The following NEDD4L variants were observed in gnomAD, a reference collection of about 807,000 sequenced individuals.
NEDD4L encodes E3 ubiquitin-protein ligase NEDD4-like.
A neutral mutation model predicts 148.9 loss-of-function variants in NEDD4L; 54 were observed. The observed-to-expected ratio is 0.36, with a 90% CI of 0.29 to 0.45. The LOEUF (loss-of-function observed/expected upper bound fraction) is 0.45, where lower values mean the gene tolerates loss of function less well. NEDD4L is among the 20% of genes least tolerant of loss of function. The pLI, the probability that NEDD4L is intolerant of heterozygous loss-of-function variation, is 1.00. For missense variants in NEDD4L, 856 were observed against 1,233.8 expected (o/e 0.69, Z 4.59); for synonymous variants, 433 against 440.7 (o/e 0.98, Z 0.22).
At chr18:58,312,623 G>C (rs1387803363) in intron 5 of NEDD4L, among the ~76,000 whole-genome samples, 1 of 152,180 alleles carries the variant, frequency 6.6e-6, no homozygotes, top group Non-Finnish European at 1.5e-5. Context: ...AAGGCACCAG[G>C]AGGTTCTCTG....
intron 1 of NEDD4L, among the ~76,000 whole-genome samples, chr18:58,137,726 C>T (rs1479362054): frequency 6.6e-6 from 1 of 152,026 alleles, no homozygotes; most frequent in Admixed American, 6.5e-5. Flanking sequence ...CAACCACATA[C>T]CCTGTCGCTA....
chr18:58,286,754 A>C (rs1044266715), intron 5 of NEDD4L, among the ~76,000 whole-genome samples: 2 of 152,230 alleles, frequency 1.3e-5, no homozygotes, highest in African/African-American at 2.4e-5. Flanking sequence ...GGATAATTGA[A>C]TTTAATTGAA....
At chr18:58,267,411 C>T (rs767683317) in intron 5 of NEDD4L, among the ~76,000 whole-genome samples, 5 of 152,002 alleles carry the variant, frequency 3.3e-5, no homozygotes, top group Non-Finnish European at 7.4e-5. Flanking sequence ...TCCCAAGGAA[C>T]TTTGTTTCTG....
intron 23 of NEDD4L, 112 bp downstream of exon 23, chr18:58,370,579 T>C (rs2046729146): frequency 2.7e-6 from 2 of 733,806 alleles, no homozygotes; most frequent in East Asian, 2.6e-5. Flanking sequence ...TTGCATTCCA[T>C]GTGAACAACA....
At chr18:58,050,863 A>G (rs927061086) in intron 1 of NEDD4L, among the ~76,000 whole-genome samples, 1 of 152,222 alleles carries the variant, frequency 6.6e-6, no homozygotes, top group Admixed American at 6.5e-5. Flanking sequence ...ACAGAATGCA[A>G]TTCAAATGAA....
chr18:58,195,538 A>C, intron 2 of NEDD4L: 2 of 1,341,642 alleles, frequency 1.5e-6, no homozygotes, highest in South Asian at 2.3e-5. Context: ...GAGCGGCTGC[A>C]GAGCCCTGTC....
At chr18:58,137,024 G>A (rs1435789246) in intron 1 of NEDD4L, among the ~76,000 whole-genome samples, 1 of 152,232 alleles carries the variant, frequency 6.6e-6, no homozygotes, top group Non-Finnish European at 1.5e-5. Context: ...CATTGTATGT[G>A]TATCTTGAAT....
At chr18:58,357,287 G>T in intron 19 of NEDD4L, 35 bp downstream of exon 19, 2 of 1,579,342 alleles carry the variant, frequency 1.3e-6, no homozygotes, top group South Asian at 2.2e-5. Flanking sequence ...TTCAGTATAA[G>T]ATTTTGGTTA....
At chr18:58,357,561 A>T in intron 19 of NEDD4L, 1 of 538,424 alleles carries the variant, frequency 1.9e-6, no homozygotes, top group Non-Finnish European at 3.5e-6. Flanking sequence ...TCCTTTTTAT[A>T]TGAAGCAAAA....
At chr18:58,338,261 T>G (rs1240052934) in intron 13 of NEDD4L, among the ~76,000 whole-genome samples, 1 of 152,224 alleles carries the variant, frequency 6.6e-6, no homozygotes, top group Non-Finnish European at 1.5e-5. Flanking sequence ...TTTGTTAAGC[T>G]AGGGTGGAAC....
intron 1 of NEDD4L, among the ~76,000 whole-genome samples, chr18:58,156,084 TGGTCC>T: frequency 6.6e-6 from 1 of 152,368 alleles, no homozygotes; most frequent in South Asian, 2.1e-4. Flanking sequence ...GGATTCAAGC[TGGTCC>T]TTAGCCACTC....
intron 2 of NEDD4L, among the ~76,000 whole-genome samples, chr18:58,204,580 C>G (rs765037252): frequency 5.9e-5 from 9 of 152,160 alleles, no homozygotes; most frequent in African/African-American, 9.7e-5. Flanking sequence ...ATTGCTCCAA[C>G]CAAATGAATG....
chr18:58,048,887 A>G (rs1372753980), intron 1 of NEDD4L, among the ~76,000 whole-genome samples: 1 of 152,172 alleles, frequency 6.6e-6, no homozygotes, highest in African/African-American at 2.4e-5. Context: ...CTACTTGTTT[A>G]CATATAATTA....
At chr18:58,195,445 G>A (rs768627727) in intron 2 of NEDD4L, 4 of 1,319,248 alleles carry the variant, frequency 3.0e-6, no homozygotes, top group Admixed American at 2.0e-5. Context: ...GCAGGCATCC[G>A]CGGCAGCAGC....
chr18:58,182,752 G>A (rs1289847072), intron 2 of NEDD4L, among the ~76,000 whole-genome samples: 1 of 152,170 alleles, frequency 6.6e-6, no homozygotes, highest in African/African-American at 2.4e-5. Context: ...AAAGTGCTGG[G>A]ATTACAGGCG....
chr18:58,074,517 C>T (rs753099035), intron 1 of NEDD4L, among the ~76,000 whole-genome samples: 13 of 149,858 alleles, frequency 8.7e-5, no homozygotes, highest in Non-Finnish European at 1.5e-4. Flanking sequence ...TTGTGATCCG[C>T]TCACCTCGGC....
intron 23 of NEDD4L, among the ~76,000 whole-genome samples, chr18:58,371,203 ATTTT>A (rs34960405): frequency 7.4e-4 from 69 of 92,986 alleles, no homozygotes; most frequent in Non-Finnish European, 1.1e-3. Flanking sequence ...TGCCTGGCTA[ATTTT>A]TTTTTTTTTT....
intron 23 of NEDD4L, among the ~76,000 whole-genome samples, chr18:58,371,215 T>G (rs1176792397): frequency 6.8e-6 from 1 of 146,990 alleles, no homozygotes; most frequent in Non-Finnish European, 1.5e-5. Context: ...TTTTTTTTTT[T>G]TTTTTTTTTT....
At chr18:58,370,161 T>G (rs2046659969) in intron 22 of NEDD4L, among the ~76,000 whole-genome samples, 1 of 152,128 alleles carries the variant, frequency 6.6e-6, no homozygotes, top group African/African-American at 2.4e-5. Context: ...ATCTGTCACC[T>G]CCCAGAGGCC....
Sources: gnomAD v4.1 joint callset for allele counts (sites outside exome capture counted in the v4.1 genomes callset) on GRCh38, gnomAD v4.1.1 for gene constraint, MANE v1.5 for transcripts, NCBI Gene and HGNC (gene_info 2026-07-23, HGNC 2026-07-21) for gene names.